The following DSC2 variants were observed in gnomAD, a reference collection of about 807,000 sequenced individuals.
DSC2 encodes desmocollin 2.
In DSC2, 51 loss-of-function variants were observed where a neutral mutation model predicts 87.6. The observed-to-expected ratio is 0.58, with a 90% confidence interval of 0.46 to 0.74. DSC2 has a LOEUF of 0.74. DSC2 is among the 30% of genes least tolerant of loss of function. DSC2 has a pLI of 0.00. For missense variants in DSC2, 1,066 were observed against 1,089.5 expected (o/e 0.98, Z 0.30); for synonymous variants, 383 against 393.2 (o/e 0.97, Z 0.31).
chr18:31,094,554 TCA>T (rs1987705260), intron 1 of DSC2, among the ~76,000 whole-genome samples: 1 of 152,242 alleles, frequency 6.6e-6, no homozygotes, highest in Admixed American at 6.5e-5. Flanking sequence ...TCTCAAAGAT[TCA>T]CATTCTTTTT....
chr18:31,069,714 C>CAA (rs199681007), intron 14 of DSC2, among the ~76,000 whole-genome samples: 2 of 85,296 alleles, frequency 2.3e-5, no homozygotes, highest in South Asian at 4.3e-4. Context: ...GATCTTGTCT[C>CAA]AAAAAAAAAA....
In DSC2 at chr18:31,059,790, AG is replaced by A. The variant is rs1305076464; in HGVS notation, c.*8224del. 2.0e-5 allele frequency: 3 copies of A among 152,228 alleles called. No homozygotes were observed. The highest frequency in any genetic ancestry group is 2.1e-4 in the South Asian group (1 of 4,832). The allele number at this position is 152,228 out of a possible 1,614,324, so 9.4% of individuals were successfully genotyped here. A position where few individuals can be genotyped will look rare whatever the true frequency, so the allele number is the denominator to read the frequency against. On this transcript the variant is annotated 3_prime_UTR_variant, in exon 16 of 16. Coordinates refer to ENST00000280904, the MANE Select transcript of DSC2 (RefSeq NM_024422.6). ...TATCCTAGTTTTAAAATACTACTATAGTTTATGTCTTTTCCCATTTAATTAA... is the reference window on the plus strand; with the variant it reads ...TATCCTAGTTTTAAAATACTACTATATTTATGTCTTTTCCCATTTAATTAA...
chr18:31,065,687 T>A lies in DSC2; in HGVS notation c.*2328A>T, dbSNP rs143450264. On this transcript the variant is annotated 3_prime_UTR_variant, in exon 16 of 16. Transcript: ENST00000280904. Reference sequence around the variant, plus strand: ...AGGGATTGACAGGGAGAATCTAAAATACACATAATTTTCATAGGGTGTTAG... The same window carrying A: ...AGGGATTGACAGGGAGAATCTAAAAAACACATAATTTTCATAGGGTGTTAG... 1 of 152,166 alleles carries A rather than the reference T, an allele frequency of 6.6e-6. No homozygotes were observed. Among genetic ancestry groups the A allele is most frequent in the Non-Finnish European group, 1.5e-5 (1 of 68,020 alleles). The allele number at this position is 152,166 out of a possible 1,614,324, so 9.4% of individuals were successfully genotyped here. A position where few individuals can be genotyped will look rare whatever the true frequency, so the allele number is the denominator to read the frequency against.
chr18:31,077,229 T>A (rs1987051850), intron 11 of DSC2, among the ~76,000 whole-genome samples: 2 of 152,230 alleles, frequency 1.3e-5, no homozygotes. Context: ...ATATATTTCA[T>A]GTATCTGGCA....
chr18:31,100,741 C>A (rs1303305149), intron 1 of DSC2, among the ~76,000 whole-genome samples: 2 of 152,210 alleles, frequency 1.3e-5, no homozygotes, highest in South Asian at 4.1e-4. Context: ...AAGGAATTAG[C>A]CTTCCGGGTT....
At chr18:31,072,573 C>T (rs1225124484) in intron 12 of DSC2, among the ~76,000 whole-genome samples, 1 of 151,984 alleles carries the variant, frequency 6.6e-6, no homozygotes, top group African/African-American at 2.4e-5. Context: ...GTCTCTCAAA[C>T]CTTATTACGA....
At chr18:31,085,090 A>C (rs1987353610) in intron 7 of DSC2, among the ~76,000 whole-genome samples, 1 of 152,120 alleles carries the variant, frequency 6.6e-6, no homozygotes. Context: ...TACCAAAAAC[A>C]TTTAGGAAAC....
rs1987454499 is a variant in DSC2 at position 31,087,784 on chromosome 18, C to A, written c.660G>T (p.Gly220=). Residue 220 remains glycine, a synonymous_variant, in exon 6 of 16, where the codon GGG becomes GGT. Transcript: ENST00000280904. ...EIIAFATTPD[G]YTPELPLPLI... ...GGGGCAGTGGAAGTTCTGGAGTATA[C>A]CCATCTGGAGTTGTTGCAAAGGCAA... 6.2e-6 allele frequency: 10 copies of A among 1,613,608 alleles called. No individual in the cohort carries two copies. The highest frequency in any genetic ancestry group is 5.5e-5 in the South Asian group (5 of 91,068).
intron 1 of DSC2, among the ~76,000 whole-genome samples, chr18:31,100,960 T>C (rs1987925059): frequency 6.6e-6 from 1 of 151,784 alleles, no homozygotes; most frequent in Non-Finnish European, 1.5e-5. Context: ...CGGTCAAGCC[T>C]GGGAAAGGGG....
chr18:31,063,747 CTTATT>C lies in DSC2; in HGVS notation c.*4263_*4267del, dbSNP rs1448258238. ...ACTTATGAGACTACATCCCAATAAG[CTTATT>C]TTAAGTTGAACATATGGTAAATGGA... On this transcript the variant is annotated 3_prime_UTR_variant, in exon 16 of 16. Coordinates refer to ENST00000280904, the MANE Select transcript of DSC2 (RefSeq NM_024422.6). 6.6e-6 allele frequency: 1 copy of C among 152,066 alleles called. No individual in the cohort carries two copies. The highest frequency in any genetic ancestry group is 2.1e-4 in the South Asian group (1 of 4,828). 9.4% of individuals were successfully genotyped at this position (152,066 alleles called of 1,614,324 possible).
rs1295832021 is a variant in DSC2, at chr18:31,100,158, A to T, written c.69+1745T>A. Reference sequence around the variant, plus strand: ...TTGCACAGATGTGCACAGAGCAAAAACCAGCAGAATGAGAGTGTAGGCAGG... The same window carrying T: ...TTGCACAGATGTGCACAGAGCAAAATCCAGCAGAATGAGAGTGTAGGCAGG... On this transcript the variant is annotated intron_variant, in intron 1 of 15. Coordinates refer to ENST00000280904, the MANE Select transcript of DSC2 (RefSeq NM_024422.6). 2.6e-5 allele frequency among the ~76,000 whole-genome samples: 4 copies of T among 152,312 alleles called. No homozygotes were observed. The East Asian group carries it at 7.7e-4, about 29-fold the overall frequency.
rs1203185838 is a variant in DSC2, at chr18:31,064,218, T to C, written c.*3797A>G. ...AAAAACATGCATTATGCACTTACTA[T>C]GTGCCAGGCATTGTGTGATGTGTTT... On this transcript the variant is annotated 3_prime_UTR_variant, in exon 16 of 16. Transcript: ENST00000280904. 6.6e-6 allele frequency: 1 copy of C among 152,210 alleles called. No homozygotes were observed. Among genetic ancestry groups the C allele is most frequent in the African/African-American group, 2.4e-5 (1 of 41,468 alleles). 9.4% of individuals were successfully genotyped at this position (152,210 alleles called of 1,614,324 possible). A position where few individuals can be genotyped will look rare whatever the true frequency, so the allele number is the denominator to read the frequency against.
rs1986465213 is a variant in DSC2, at chr18:31,059,723, C to T, written c.*8292G>A. The T allele has an allele frequency of 6.6e-6, 1 of 152,120 alleles. No homozygotes were observed. Among genetic ancestry groups the T allele is most frequent in the Non-Finnish European group, 1.5e-5 (1 of 68,004 alleles). The allele number at this position is 152,120 out of a possible 1,614,324, so 9.4% of individuals were successfully genotyped here. On this transcript the variant is annotated 3_prime_UTR_variant, in exon 16 of 16. Coordinates refer to ENST00000280904, the MANE Select transcript of DSC2 (RefSeq NM_024422.6). ...AATATCTTAGTGTATTACAGATAGTCTCATATTTATTTAAATGTGAGATTA... is the reference window on the plus strand; with the variant it reads ...AATATCTTAGTGTATTACAGATAGTTTCATATTTATTTAAATGTGAGATTA...
At chr18:31,084,858 G>A (rs887044785) in intron 7 of DSC2, among the ~76,000 whole-genome samples, 3 of 152,052 alleles carry the variant, frequency 2.0e-5, no homozygotes, top group Non-Finnish European at 2.9e-5. Flanking sequence ...CAACCAATGT[G>A]ATATCAATGG....
chr18:31,086,449 A>G (rs1389269430), intron 7 of DSC2, 127 bp downstream of exon 7: 2 of 1,154,776 alleles, frequency 1.7e-6, no homozygotes, highest in East Asian at 2.5e-5. Context: ...CTCTATTAAC[A>G]TACATAAAAT....
At position 31,063,217 on chromosome 18, in the gene DSC2, G is replaced by C. The variant is rs1184226225; in HGVS notation, c.*4798C>G. The C allele has an allele frequency of 2.6e-5, 4 of 151,774 alleles. No homozygotes were observed. Among genetic ancestry groups the C allele is most frequent in the Non-Finnish European group, 5.9e-5 (4 of 68,078 alleles). The allele number at this position is 151,774 out of a possible 1,614,324, so 9.4% of individuals were successfully genotyped here. ...GTGGTGGTAGGTGCCTGTAATCCCA[G>C]CTACTCAGGAGGCTGAGGCAGAAGA... On this transcript the variant is annotated 3_prime_UTR_variant, in exon 16 of 16. Transcript: ENST00000280904.
intron 12 of DSC2, among the ~76,000 whole-genome samples, chr18:31,072,591 A>T (rs546054204): frequency 7.8e-4 from 119 of 152,340 alleles, no homozygotes; most frequent in African/African-American, 2.8e-3. Flanking sequence ...CGACAACAGT[A>T]CATTACCTGT....
rs1277586365 is a variant in DSC2 at position 31,074,898 on chromosome 18, G to C, written c.1673C>G (p.Thr558Arg). The C allele has an allele frequency of 6.2e-7, 1 of 1,613,346 alleles. No individual in the cohort carries two copies. Among genetic ancestry groups the C allele is most frequent in the South Asian group, 1.1e-5 (1 of 91,000 alleles). Residue 558 changes from threonine to arginine, a missense_variant, in exon 12 of 16, where the codon ACA becomes AGA. Physicochemically the swap from Thr to Arg is moderately conservative, Grantham distance 71. Coordinates refer to ENST00000280904, the MANE Select transcript of DSC2 (RefSeq NM_024422.6). ...TVLASDQGGR[T>R]CTGTLGIILQ... ...TATAATGCCCAGTGTCCCCGTACAT[G>C]TTCTCCCTCCTAGAAAAATGAAAAT...
intron 1 of DSC2, chr18:31,101,558 A>G: frequency 3.8e-6 from 1 of 264,826 alleles, no homozygotes; most frequent in East Asian, 8.5e-5. Context: ...GCCCCGGCGC[A>G]CTCCGACCCC....
Sources: gnomAD v4.1 joint callset for allele counts (sites outside exome capture counted in the v4.1 genomes callset) on GRCh38, gnomAD v4.1.1 for gene constraint, MANE v1.5 for transcripts, NCBI Gene and HGNC (gene_info 2026-07-23, HGNC 2026-07-21) for gene names.